The following UBA52 variants were observed in gnomAD, a reference collection of about 807,000 sequenced individuals.
UBA52 encodes the protein ubiquitin A-52 residue ribosomal protein fusion product 1.
In UBA52, 1 loss-of-function variant was observed where a neutral mutation model predicts 15.3. That is an observed-to-expected ratio of 0.07 (90% CI 0.02 to 0.31). The LOEUF (loss-of-function observed/expected upper bound fraction) is 0.31. UBA52 is among the 10% of genes least tolerant of loss of function. The pLI is 1.00. For missense variants in UBA52, 87 were observed against 168.0 expected (o/e 0.52, Z 2.66); for synonymous variants, 50 against 58.3 (o/e 0.86, Z 0.65).
rs770615528 is a variant in UBA52, at chr19:18,574,985, C to T, written c.293+13C>T. On this transcript the variant is annotated intron_variant, in intron 4 of 4. Transcript: ENST00000442744. Reference sequence around the variant, plus strand: ...TGATCTGCCGCAAGTATGTGTGCTCCGATGCTTGGGGGGCTGTGGGGGCTG... The same window carrying T: ...TGATCTGCCGCAAGTATGTGTGCTCTGATGCTTGGGGGGCTGTGGGGGCTG... 8 of 1,614,120 alleles carry T rather than the reference C, an allele frequency of 5.0e-6. No individual in the cohort carries two copies. Among genetic ancestry groups the T allele is most frequent in the South Asian group, 2.2e-5 (2 of 91,080 alleles).
the UBA52 span, among the ~76,000 whole-genome samples, chr19:18,565,531 C>A: frequency 6.7e-6 from 1 of 149,426 alleles, no homozygotes; most frequent in African/African-American, 2.5e-5. Flanking sequence ...TGCGCCCGGC[C>A]GAGACAGAGT....
upstream of UBA52, chr19:18,568,590 G>C: frequency 6.2e-7 from 1 of 1,612,978 alleles, no homozygotes; most frequent in Non-Finnish European, 8.5e-7. Context: ...AGCCATCAAC[G>C]GCCGCAGCCA....
In UBA52 at chr19:18,575,508, C is replaced by A; in HGVS notation, c.*358C>A. The A allele has an allele frequency of 3.0e-6, 1 of 338,722 alleles. No individual in the cohort carries two copies. The highest frequency in any genetic ancestry group is 5.7e-6 in the Non-Finnish European group (1 of 176,290). The allele number at this position is 338,722 out of a possible 1,614,324, so 21.0% of individuals were successfully genotyped here. On this transcript the variant is annotated 3_prime_UTR_variant, in exon 5 of 5. Transcript: ENST00000442744. ...CTGTCAGGCACTTTGAGGTGTCCCT[C>A]AGGCCTTGGCCCTGAAGTGTCTAGG...
the UBA52 span, chr19:18,565,239 T>G: frequency 2.8e-5 from 37 of 1,338,464 alleles, no homozygotes; most frequent in Admixed American, 1.6e-4. Context: ...AGTTTTTTTT[T>G]TTTTTTTGGA....
chr19:18,575,028 C>G, intron 4 of UBA52, 29 bp from the exon 5 acceptor site: 4 of 1,614,190 alleles, frequency 2.5e-6, no homozygotes, highest in Non-Finnish European at 3.4e-6. Flanking sequence ...CGGGGTATGC[C>G]CTCACCCACC....
chr19:18,569,930 A>G (rs1236404558), upstream of UBA52, among the ~76,000 whole-genome samples: 2 of 152,136 alleles, frequency 1.3e-5, no homozygotes, highest in Non-Finnish European at 2.9e-5. Context: ...GCTACTTGGG[A>G]GGCTGAGGCA....
rs1975607586 is a variant in UBA52, at chr19:18,573,421, T to A, written c.103+18T>A. The A allele has an allele frequency of 1.2e-6, 2 of 1,603,436 alleles. No individual in the cohort carries two copies. The highest frequency in any genetic ancestry group is 2.7e-5 in the African/African-American group (2 of 74,656). ...CAAGGAGGGTGAGTAGGGCTGGGTG[T>A]GGGGGCTCTGGCTGTGAACTGGGAG... On this transcript the variant is annotated intron_variant, in intron 2 of 4. Coordinates refer to ENST00000442744, the MANE Select transcript of UBA52 (RefSeq NM_001033930.3).
At chr19:18,574,382 G>T (rs1334231753) in intron 3 of UBA52, among the ~76,000 whole-genome samples, 1 of 151,690 alleles carries the variant, frequency 6.6e-6, no homozygotes, top group East Asian at 2.0e-4. Flanking sequence ...TCCGTCTCCC[G>T]GGTTCAAGCG....
chr19:18,570,176 C>T (rs1203645345), upstream of UBA52, among the ~76,000 whole-genome samples: 1 of 151,598 alleles, frequency 6.6e-6, no homozygotes, highest in African/African-American at 2.4e-5. Flanking sequence ...CTCATTGCTC[C>T]CCATCTTCTC....
chr19:18,567,409 A>G (rs374074153), upstream of UBA52: 30 of 661,432 alleles, frequency 4.5e-5, 1 homozygote, highest in Middle Eastern at 1.2e-3. Context: ...CGCACAGGAG[A>G]ATGTGGATAA....
At position 18,573,326 on chromosome 19, in the gene UBA52, C is replaced by T. The variant is rs1225033858; in HGVS notation, c.26C>T (p.Thr9Ile). Residue 9 changes from threonine to isoleucine, a missense_variant, in exon 2 of 5, where the codon ACT (threonine) becomes ATT (isoleucine). By Grantham distance (89) the Thr-to-Ile change is moderately conservative. Coordinates refer to ENST00000442744, the MANE Select transcript of UBA52 (RefSeq NM_001033930.3). Reference protein sequence around the residue: MQIFVKTLTGKTITLEVEP... With the variant: MQIFVKTLIGKTITLEVEP... ...ATGCAGATCTTTGTGAAGACCCTCACTGGCAAAACCATCACCCTTGAGGTC... is the reference window on the plus strand; with the variant it reads ...ATGCAGATCTTTGTGAAGACCCTCATTGGCAAAACCATCACCCTTGAGGTC... 2 of 1,614,118 alleles carry T rather than the reference C, an allele frequency of 1.2e-6. No homozygotes were observed. Among genetic ancestry groups the T allele is most frequent in the Non-Finnish European group, 1.7e-6 (2 of 1,180,040 alleles).
the UBA52 span, among the ~76,000 whole-genome samples, chr19:18,566,077 C>CA: frequency 6.6e-6 from 1 of 152,160 alleles, no homozygotes; most frequent in Non-Finnish European, 1.5e-5. Flanking sequence ...ATGATCCATC[C>CA]ACCTCGACCT....
At chr19:18,573,576 T>C in intron 2 of UBA52, 86 bp from the exon 3 acceptor site, 4 of 1,465,534 alleles carry the variant, frequency 2.7e-6, no homozygotes, top group Non-Finnish European at 3.8e-6. Context: ...TTTGAGAAAC[T>C]GGGGGTAGTG....
chr19:18,565,103 G>C, the UBA52 span: 150 of 1,554,226 alleles, frequency 9.7e-5, no homozygotes, highest in African/African-American at 1.7e-3. Context: ...CACATACCAG[G>C]GTAAAGGGAG....
upstream of UBA52, among the ~76,000 whole-genome samples, chr19:18,570,430 G>T (rs1975438638): frequency 6.6e-6 from 1 of 150,778 alleles, no homozygotes; most frequent in Admixed American, 6.6e-5. Flanking sequence ...GTGAATTCCT[G>T]ACCTCAAGTA....
chr19:18,568,723 T>G, upstream of UBA52: 1 of 957,824 alleles, frequency 1.0e-6, no homozygotes, highest in Admixed American at 2.2e-5. Context: ...CCAGGGCTCC[T>G]TTGCTGCCCC....
At chr19:18,570,338 G>A (rs1261682801), upstream of UBA52, among the ~76,000 whole-genome samples, 1 of 151,610 alleles carries the variant, frequency 6.6e-6, no homozygotes, top group Non-Finnish European at 1.5e-5. Context: ...GGGACTGCAG[G>A]TGCGCACCAC....
chr19:18,570,666 C>G (rs916986838), upstream of UBA52, among the ~76,000 whole-genome samples: 15 of 151,432 alleles, frequency 9.9e-5, no homozygotes, highest in Non-Finnish European at 1.5e-4. Context: ...CACCCGCCAC[C>G]ACACCTGAAA....
chr19:18,573,683 G>C lies in UBA52; in HGVS notation c.125G>C (p.Arg42Pro). ...DKEGIPPDQQ[R>P]LIFAGKQLED... ...TCAGGTATCCCACCTGACCAGCAGC[G>C]TCTGATATTTGCCGGCAAACAGCTG... Residue 42 changes from arginine (R) to proline (P), a missense_variant, in exon 3 of 5, where the codon CGT becomes CCT. By Grantham distance (103) the Arg-to-Pro change is moderately radical. Coordinates refer to ENST00000442744, the MANE Select transcript of UBA52 (RefSeq NM_001033930.3). The C allele has an allele frequency of 6.2e-7, 1 of 1,614,092 alleles. No individual in the cohort carries two copies. The highest frequency in any genetic ancestry group is 8.5e-7 in the Non-Finnish European group (1 of 1,180,004).
Sources: gnomAD v4.1 joint callset for allele counts (sites outside exome capture counted in the v4.1 genomes callset) on GRCh38, gnomAD v4.1.1 for gene constraint, MANE v1.5 for transcripts, NCBI Gene and HGNC (gene_info 2026-07-23, HGNC 2026-07-21) for gene names.